KMO: variants seen among roughly 807,000 people sequenced by gnomAD.
The protein encoded by KMO is kynurenine 3-hydroxylase.
A neutral mutation model predicts 57.8 loss-of-function variants in KMO; 24 were observed. The observed-to-expected ratio is 0.42, with a 90% CI of 0.30 to 0.58. The LOEUF (loss-of-function observed/expected upper bound fraction) is 0.58, where lower values mean the gene tolerates loss of function less well. Among genes scored for constraint, KMO ranks in the 20% least tolerant of loss-of-function variants. The pLI, the probability that KMO is intolerant of heterozygous loss-of-function variation, is 0.22. For synonymous variants in KMO, 210 were observed against 193.6 expected, an observed-to-expected ratio of 1.08 and a Z score of -0.70; for missense variants, 483 against 588.2, an observed-to-expected ratio of 0.82 and a Z score of 1.85.
rs34450394 is a variant in KMO at position 241,571,864 on chromosome 1, C to CTTTT, written c.957+3235_957+3238dup. Among the ~76,000 whole-genome samples, 256 of 96,478 alleles carry CTTTT rather than the reference C, an allele frequency of 2.7e-3. 6 individuals carry two copies. Among genetic ancestry groups the CTTTT allele is most frequent in the Non-Finnish European group, 3.8e-3 (189 of 50,378 alleles). The allele number at this position is 96,478 out of a possible 152,430, so 63.3% of individuals were successfully genotyped here. ...ATTTGAGTAGGATTTATATTAGTTCCTTTTTTTTTTTTTTTTTTTTTGAGA... is the reference window on the plus strand; with the variant it reads ...ATTTGAGTAGGATTTATATTAGTTCCTTTTTTTTTTTTTTTTTTTTTTTTTGAGA... On this transcript the variant is annotated intron_variant, in intron 10 of 14. Transcript: ENST00000366559.
intron 10 of KMO, among the ~76,000 whole-genome samples, chr1:241,569,602 A>T (rs1662203459): frequency 6.6e-6 from 1 of 152,172 alleles, no homozygotes; most frequent in Non-Finnish European, 1.5e-5. Context: ...TATTGTGAAT[A>T]GTGCTGCAAT....
chr1:241,553,759 A>G (rs905933342), intron 4 of KMO, among the ~76,000 whole-genome samples: 7 of 152,330 alleles, frequency 4.6e-5, no homozygotes, highest in Admixed American at 3.3e-4. Context: ...TTTAAATAGC[A>G]AGTTTGATTT....
chr1:241,539,389 A>AAAAC lies in KMO; in HGVS notation c.54+6892_54+6893insAACA, dbSNP rs920402236. On this transcript the variant is annotated intron_variant, in intron 1 of 14. Coordinates refer to ENST00000366559, the MANE Select transcript of KMO (RefSeq NM_003679.5). ...ACGGAGTGAGACTCCGTCTCAAAAA[A>AAAAC]ATTCCAGAAAGCAGCAATAGCTACT... Among the ~76,000 whole-genome samples, 2 of 150,458 alleles carry AAAAC rather than the reference A, an allele frequency of 1.3e-5. 1 individual carries two copies. Among genetic ancestry groups the AAAAC allele is most frequent in the African/African-American group, 4.9e-5 (2 of 40,672 alleles).
rs1662086687 is a variant in KMO at position 241,566,559 on chromosome 1, T to C, written c.756T>C (p.Asp252=). 2 of 1,613,552 alleles carry C rather than the reference T, an allele frequency of 1.2e-6. No homozygotes were observed. The highest frequency in any genetic ancestry group is 1.7e-6 in the Non-Finnish European group (2 of 1,179,478). The change falls in exon 9 of 15, where the codon GAT becomes GAC. Residue 252 remains aspartate (D), a synonymous_variant. Transcript: ENST00000366559. Reference sequence around the variant, plus strand: ...TTGAAAAACTTCTAACCAGTAATGATGTGGTAGATTTCTTCCAGAAATACT... The same window carrying C: ...TTGAAAAACTTCTAACCAGTAATGACGTGGTAGATTTCTTCCAGAAATACT... The part of the protein sequence containing the change: ...EEFEKLLTSN[D]VVDFFQKYFP...
intron 1 of KMO, among the ~76,000 whole-genome samples, chr1:241,546,102 A>G (rs1348973139): frequency 6.6e-6 from 1 of 152,102 alleles, no homozygotes; most frequent in Non-Finnish European, 1.5e-5. Context: ...TCTGATCAGG[A>G]CTAGAGATGA....
intron 5 of KMO, 60 bp downstream of exon 5, chr1:241,555,720 T>G: frequency 3.0e-6 from 3 of 992,096 alleles, no homozygotes; most frequent in Non-Finnish European, 4.8e-6. Context: ...ACACTAATCT[T>G]GTCATATGAT....
chr1:241,553,899 CA>C (rs753101201), intron 4 of KMO, among the ~76,000 whole-genome samples: 2 of 152,066 alleles, frequency 1.3e-5, no homozygotes, highest in African/African-American at 2.4e-5. Flanking sequence ...ATTTTTACAC[CA>C]AGTATAGATT....
At chr1:241,548,513 C>T (rs1442341750) in intron 1 of KMO, among the ~76,000 whole-genome samples, 5 of 151,014 alleles carry the variant, frequency 3.3e-5, no homozygotes, top group Non-Finnish European at 5.9e-5. Context: ...TAAAGAATTG[C>T]TTTCTAATTA....
At chr1:241,535,201 G>T (rs1174714176) in intron 1 of KMO, among the ~76,000 whole-genome samples, 1 of 151,824 alleles carries the variant, frequency 6.6e-6, no homozygotes, top group African/African-American at 2.4e-5. Flanking sequence ...ATTCAAGAAG[G>T]TTAATGTCTT....
chr1:241,554,628 G>T (rs572633570), intron 4 of KMO, among the ~76,000 whole-genome samples: 3 of 149,526 alleles, frequency 2.0e-5, no homozygotes, highest in Non-Finnish European at 4.5e-5. Context: ...TTTACAATAC[G>T]TTTAAGAGTC....
chr1:241,580,993 C>T (rs1662726784), intron 10 of KMO, among the ~76,000 whole-genome samples: 1 of 151,996 alleles, frequency 6.6e-6, no homozygotes, highest in African/African-American at 2.4e-5. Context: ...TATTTGCTTT[C>T]TATATCTGGG....
chr1:241,549,652 A>G (rs1211968543), intron 2 of KMO, 25 bp from the exon 3 acceptor site: 2 of 1,482,684 alleles, frequency 1.3e-6, no homozygotes, highest in Non-Finnish European at 1.9e-6. Context: ...TGTGCGTAAC[A>G]TGGAGTCTGC....
chr1:241,586,587 T>C lies in KMO; in HGVS notation c.958-92T>C, dbSNP rs748150734. 4 of 852,346 alleles carry C rather than the reference T, an allele frequency of 4.7e-6. No homozygotes were observed. In the Admixed American group the frequency reaches 7.3e-5, roughly 16 times the overall value. The allele number at this position is 852,346 out of a possible 1,614,324, so 52.8% of individuals were successfully genotyped here. On this transcript the variant is annotated intron_variant, in intron 10 of 14. Coordinates refer to ENST00000366559, the MANE Select transcript of KMO (RefSeq NM_003679.5). ...GAGAATAAACAGTGTATGAATTATC[T>C]TCACCAATGGAATATCTATTCAAAA...
chr1:241,548,979 G>T (rs759078537), intron 2 of KMO, 81 bp downstream of exon 2: 2 of 874,460 alleles, frequency 2.3e-6, no homozygotes, highest in East Asian at 5.1e-5. Flanking sequence ...CACATGGATC[G>T]CTTGAGGCCG....
chr1:241,537,040 A>C (rs1660777429), intron 1 of KMO, among the ~76,000 whole-genome samples: 1 of 151,872 alleles, frequency 6.6e-6, no homozygotes, highest in African/African-American at 2.4e-5. Context: ...CTCACCACTT[A>C]CTCTTCACTC....
chr1:241,572,752 A>AGT (rs930666300), intron 10 of KMO, among the ~76,000 whole-genome samples: 7 of 152,096 alleles, frequency 4.6e-5, no homozygotes, highest in Admixed American at 1.3e-4. Flanking sequence ...ACCTGAGTAG[A>AGT]GTACACTGTA....
chr1:241,565,254 T>C (rs1254509967), intron 8 of KMO, among the ~76,000 whole-genome samples, 196 bp downstream of exon 8: 6 of 152,140 alleles, frequency 3.9e-5, no homozygotes, highest in Non-Finnish European at 8.8e-5. Flanking sequence ...GGAAAGGAGA[T>C]TTAACTTACA....
At chr1:241,591,386 G>A (rs1663292513) in intron 14 of KMO, among the ~76,000 whole-genome samples, 1 of 150,612 alleles carries the variant, frequency 6.6e-6, no homozygotes. Context: ...CTTGTGATGT[G>A]TAACTTTTAC....
chr1:241,551,095 C>T (rs776822417), intron 4 of KMO, 51 bp downstream of exon 4: 1 of 1,032,464 alleles, frequency 9.7e-7, no homozygotes, highest in Non-Finnish European at 1.5e-6. Context: ...AAGTCAAAGT[C>T]TGGAACTTGC....
Sources: allele counts gnomAD v4.1 joint callset (sites outside exome capture counted in the v4.1 genomes callset), GRCh38; gene constraint gnomAD v4.1.1; transcripts MANE v1.5; gene names NCBI Gene and HGNC (gene_info 2026-07-23, HGNC 2026-07-21).